Variants in ATP7B observed in about 807,000 individuals in gnomAD.
ATP7B encodes the protein copper-transporting ATPase 2.
Under a neutral mutation model 118.9 loss-of-function variants are expected in ATP7B, and 113 were observed. The ratio of observed to expected loss-of-function variants is 0.95; its 90% CI spans 0.82 to 1.11. The LOEUF is 1.11. ATP7B is among the 50% of genes most tolerant of loss of function. ATP7B has a pLI of 0.00. For missense variants in ATP7B, 1,867 were observed against 1,871.4 expected (o/e 1.00, Z 0.04); for synonymous variants, 777 against 727.4 (o/e 1.07, Z -1.10).
chr13:51,951,458 C>T (rs529526262), intron 9 of ATP7B, among the ~76,000 whole-genome samples: 10 of 152,228 alleles, frequency 6.6e-5, no homozygotes, highest in African/African-American at 2.2e-4. Flanking sequence ...GAAATGCCAA[C>T]TAGGGAGCTG....
rs764128100 is a variant in ATP7B at position 51,970,685 on chromosome 13, AT to A, written c.1349del (p.Asp450ValfsTer48). ...CTTCCTGCACAGATGTAGGTGTACC[AT>A]CTGTAGTTTGCACCATGGAATTCCC... ...SAGNSMVQTT[D>X]GTPTSVQEVA... On this transcript the variant is annotated frameshift_variant, in exon 3 of 21. Transcript: ENST00000242839. LOFTEE classifies it high-confidence loss of function. The A allele has an allele frequency of 6.2e-7, 1 of 1,614,158 alleles. No homozygotes were observed.
intron 1 of ATP7B, among the ~76,000 whole-genome samples, chr13:51,996,031 T>C (rs1217534645): frequency 6.6e-6 from 1 of 152,222 alleles, no homozygotes; most frequent in African/African-American, 2.4e-5. Context: ...CTGCTAGCAC[T>C]TTCTTGGAAT....
In ATP7B at chr13:51,937,646, G is replaced by C. The variant is rs587783316; in HGVS notation, c.3733C>G (p.Pro1245Ala). The C allele has an allele frequency of 6.2e-7, 1 of 1,614,250 alleles. No homozygotes were observed. The highest frequency in any genetic ancestry group is 1.6e-4 in the Middle Eastern group (1 of 6,062). ...TGGACCTTGGCCACCTTGTGCGAAGGCAGCACCTCTGCAAAGACTTTGTTG... is the reference window on the plus strand; with the variant it reads ...TGGACCTTGGCCACCTTGTGCGAAGCCAGCACCTCTGCAAAGACTTTGTTG... The part of the protein sequence containing the change: ...GINKVFAEVL[P>A]SHKVAKVQEL... The change falls in exon 18 of 21, where the codon CCT (proline) becomes GCT (alanine). Residue 1245 changes from proline to alanine, a missense_variant. Pro to Ala is a conservative substitution (Grantham distance 27). Transcript: ENST00000242839.
chr13:51,942,601 G>C lies in ATP7B; in HGVS notation c.3244-47C>G, dbSNP rs774368997. 41 of 1,610,712 alleles carry C rather than the reference G, an allele frequency of 2.5e-5. No homozygotes were observed. In the Admixed American group the frequency reaches 4.0e-4, roughly 16 times the overall value. ...AAGAGGAAACTGTAAGCCAAGAGGG[G>C]TGAAGTGAAAGGGAGGGGCAGGCAG... On this transcript the variant is annotated intron_variant, in intron 14 of 20. Transcript: ENST00000242839.
chr13:51,975,552 C>T (rs1236005655), intron 1 of ATP7B: 1 of 521,004 alleles, frequency 1.9e-6, no homozygotes, highest in Non-Finnish European at 3.8e-6. Context: ...AAAAGAGGTC[C>T]CCACCTCTGG....
At chr13:51,983,770 G>C (rs1952529351) in intron 1 of ATP7B, among the ~76,000 whole-genome samples, 1 of 152,122 alleles carries the variant, frequency 6.6e-6, no homozygotes, top group Non-Finnish European at 1.5e-5. Context: ...AGGCAAACAG[G>C]GTCTGGAGTG....
At chr13:51,995,853 C>T (rs948905601) in intron 1 of ATP7B, among the ~76,000 whole-genome samples, 1 of 152,214 alleles carries the variant, frequency 6.6e-6, no homozygotes. Context: ...TCTTTGCACA[C>T]AGCCCATGCA....
Position 51,933,361 on chromosome 13 carries a change from G to A in ATP7B, c.*1395C>T, listed in dbSNP as rs1414473778. On this transcript the variant is annotated 3_prime_UTR_variant, in exon 21 of 21. Coordinates refer to ENST00000242839, the MANE Select transcript of ATP7B (RefSeq NM_000053.4). ...AATAGCTACCCTGCTGGTTGGTTGG[G>A]AGGATTAGACGTAATCTATCAAAAG... The A allele has an allele frequency of 6.6e-6, 1 of 152,188 alleles. No homozygotes were observed. The highest frequency in any genetic ancestry group is 1.5e-5 in the Non-Finnish European group (1 of 68,048). 9.4% of individuals were successfully genotyped at this position (152,188 alleles called of 1,614,324 possible). A position where few individuals can be genotyped will look rare whatever the true frequency, so the allele number is the denominator to read the frequency against.
At chr13:51,961,634 G>A (rs1016998950) in intron 6 of ATP7B, among the ~76,000 whole-genome samples, 7 of 152,158 alleles carry the variant, frequency 4.6e-5, no homozygotes, top group African/African-American at 1.7e-4. Context: ...CTATCACACT[G>A]GGCAGTGCAG....
intron 2 of ATP7B, among the ~76,000 whole-genome samples, chr13:51,972,413 C>CAA (rs1951886070): frequency 6.6e-6 from 1 of 151,532 alleles, no homozygotes; most frequent in Admixed American, 6.6e-5. Flanking sequence ...TTCCCACACT[C>CAA]TGCATTTCCG....
At chr13:51,941,015 T>C in intron 16 of ATP7B, 66 bp downstream of exon 16, 1 of 1,605,680 alleles carries the variant, frequency 6.2e-7, no homozygotes, top group Non-Finnish European at 8.5e-7. Context: ...GGAGGACTCT[T>C]TTGCCTGATA....
intron 1 of ATP7B, among the ~76,000 whole-genome samples, chr13:52,001,530 A>G (rs1953491091): frequency 6.6e-6 from 1 of 152,032 alleles, no homozygotes; most frequent in South Asian, 2.1e-4. Context: ...TAGCTTAGAA[A>G]TACCTCCCTC....
chr13:51,939,541 T>C (rs1957195070), intron 16 of ATP7B, among the ~76,000 whole-genome samples: 1 of 152,246 alleles, frequency 6.6e-6, no homozygotes, highest in Non-Finnish European at 1.5e-5. Flanking sequence ...ACACATTAGC[T>C]ACTAAAATTC....
chr13:51,968,387 G>A lies in ATP7B; in HGVS notation c.1707+57C>T, dbSNP rs115419294. Reference sequence around the variant, plus strand: ...ATTTACTAATCACAAAGATGGATGTGTCCAAAATGCAAACTGTCAGAAGCC... The same window carrying A: ...ATTTACTAATCACAAAGATGGATGTATCCAAAATGCAAACTGTCAGAAGCC... On this transcript the variant is annotated intron_variant, in intron 4 of 20. Coordinates refer to ENST00000242839, the MANE Select transcript of ATP7B (RefSeq NM_000053.4). The A allele has an allele frequency of 1.6e-3, 2,628 of 1,611,910 alleles. 44 individuals carry two copies. In the African/African-American group the frequency reaches 0.031, roughly 19 times the overall value.
At chr13:51,985,966 G>T (rs1312746561) in intron 1 of ATP7B, among the ~76,000 whole-genome samples, 2 of 152,162 alleles carry the variant, frequency 1.3e-5, no homozygotes, top group African/African-American at 2.4e-5. Flanking sequence ...AAGCTGGAAA[G>T]CTCTAAAATC....
chr13:52,001,198 C>T (rs974134054), intron 1 of ATP7B, among the ~76,000 whole-genome samples: 3 of 152,172 alleles, frequency 2.0e-5, no homozygotes, highest in Admixed American at 6.5e-5. Flanking sequence ...ATCTCACCTG[C>T]ACTATTGCTT....
rs866448813 is a variant in ATP7B, at chr13:51,934,247, G to A, written c.*509C>T. On this transcript the variant is annotated 3_prime_UTR_variant, in exon 21 of 21. Coordinates refer to ENST00000242839, the MANE Select transcript of ATP7B (RefSeq NM_000053.4). ...GAGAGAAAAGGAACAGACTATGTAC[G>A]AAGAAAGGAACAGACTATGCAGGAA... The A allele has an allele frequency of 8.6e-6, 2 of 233,660 alleles. No homozygotes were observed. Among genetic ancestry groups the A allele is most frequent in the Non-Finnish European group, 1.7e-5 (2 of 116,338 alleles). The allele number at this position is 233,660 out of a possible 1,614,324, so 14.5% of individuals were successfully genotyped here.
rs1393828213 is a variant in ATP7B, at chr13:51,934,612, T to C, written c.*144A>G. ...GCTGCACCCAGACAAGGCCGCGTGC[T>C]GCAGGGCAGGATGACTGGACATATC... On this transcript the variant is annotated 3_prime_UTR_variant, in exon 21 of 21. Coordinates refer to ENST00000242839, the MANE Select transcript of ATP7B (RefSeq NM_000053.4). The C allele has an allele frequency of 4.4e-6, 6 of 1,357,634 alleles. No homozygotes were observed. Among genetic ancestry groups the C allele is most frequent in the Non-Finnish European group, 4.1e-6 (4 of 983,748 alleles). 84.1% of individuals were successfully genotyped at this position (1,357,634 alleles called of 1,614,324 possible). A position where few individuals can be genotyped will look rare whatever the true frequency, so the allele number is the denominator to read the frequency against.
At chr13:51,941,026 T>C in intron 16 of ATP7B, 55 bp downstream of exon 16, 9 of 1,611,072 alleles carry the variant, frequency 5.6e-6, no homozygotes, top group South Asian at 1.1e-5. Flanking sequence ...TTGCCTGATA[T>C]CTGCAGAAAA....
Sources: allele counts gnomAD v4.1 joint callset (sites outside exome capture counted in the v4.1 genomes callset), GRCh38; gene constraint gnomAD v4.1.1; transcripts MANE v1.5; gene names NCBI Gene and HGNC (gene_info 2026-07-23, HGNC 2026-07-21).